The following RBM24 variants were observed in gnomAD, a reference collection of about 807,000 sequenced individuals.
RBM24 encodes the protein RNA binding motif protein 24.
RBM24 carries 5 observed loss-of-function variants against 23.6 expected under a neutral mutation model. The observed-to-expected ratio is 0.21, with a 90% CI of 0.11 to 0.45. RBM24 has a LOEUF of 0.45. Among genes scored for constraint, RBM24 ranks in the 20% least tolerant of loss-of-function variants. The pLI, the probability that RBM24 is intolerant of heterozygous loss-of-function variation, is 0.99. For missense variants in RBM24, 252 were observed against 314.6 expected, an observed-to-expected ratio of 0.80 and a Z score of 1.51; for synonymous variants, 151 against 129.5, an observed-to-expected ratio of 1.17 and a Z score of -1.13.
In RBM24 at chr6:17,281,664, G is replaced by A; in HGVS notation, c.83G>A (p.Arg28His). 2 of 1,551,066 alleles carry A rather than the reference G, an allele frequency of 1.3e-6. No individual in the cohort carries two copies. The highest frequency in any genetic ancestry group is 1.7e-6 in the Non-Finnish European group (2 of 1,146,890). The change falls in exon 1 of 4, where the codon CGC (arginine) becomes CAC (histidine). Residue 28 changes from arginine (R) to histidine (H), a missense_variant. Physicochemically the swap from Arg to His is conservative, Grantham distance 29 (BLOSUM62 0). Transcript: ENST00000379052. This position sits in a 1 kb window ranked among gnomAD's most constrained non-coding sequence, Gnocchi z 7.1. ...LPYHTTDASL[R>H]KYFEVFGEIE... ...TACCACACCACCGACGCCAGCCTGC[G>A]CAAGTACTTCGAGGTCTTCGGCGAG... is the stretch of plus-strand genomic sequence containing the variant.
intron 3 of RBM24, chr6:17,288,218 C>G: frequency 1.0e-6 from 1 of 985,030 alleles, no homozygotes; most frequent in Non-Finnish European, 1.2e-6. Flanking sequence ...CTTTGTCAAG[C>G]TGTAGCCCCA....
At position 17,292,920 on chromosome 6, in the gene RBM24, TGTCA is replaced by T; in HGVS notation, c.*803_*806del. The stretch of plus-strand genomic sequence containing the variant: ...ATTTTGGGAAACTTGTATCTGCTGG[TGTCA>T]GCAATTCTGATTCTGAAATAGGATC... On this transcript the variant is annotated 3_prime_UTR_variant, in exon 4 of 4. Coordinates refer to ENST00000379052, the MANE Select transcript of RBM24 (RefSeq NM_001143942.2). 6.6e-6 allele frequency: 1 copy of T among 152,464 alleles called. No homozygotes were observed. The highest frequency in any genetic ancestry group is 2.1e-4 in the South Asian group (1 of 4,830). 9.4% of individuals were successfully genotyped at this position (152,464 alleles called of 1,614,324 possible). A position where few individuals can be genotyped will look rare whatever the true frequency, so the allele number is the denominator to read the frequency against.
intron 3 of RBM24, among the ~76,000 whole-genome samples, chr6:17,290,629 A>C (rs534977327): frequency 5.3e-5 from 8 of 152,254 alleles, no homozygotes; most frequent in Non-Finnish European, 7.3e-5. Context: ...GATTTGTACA[A>C]AATATCAACG....
chr6:17,292,348 C>T lies in RBM24; in HGVS notation c.*229C>T, dbSNP rs759648487. The T allele has an allele frequency of 1.0e-4, 35 of 335,886 alleles. No individual in the cohort carries two copies. Among genetic ancestry groups the T allele is most frequent in the Non-Finnish European group, 1.8e-4 (33 of 188,254 alleles). The allele number at this position is 335,886 out of a possible 1,614,324, so 20.8% of individuals were successfully genotyped here. A position where few individuals can be genotyped will look rare whatever the true frequency, so the allele number is the denominator to read the frequency against. The stretch of plus-strand genomic sequence containing the variant: ...ATTTTGGAAATCAATCCCAAAGAGC[C>T]TGAGTAAATGAAAGGCCACTACGAA... On this transcript the variant is annotated 3_prime_UTR_variant, in exon 4 of 4. Transcript: ENST00000379052.
chr6:17,283,713 G>A lies in RBM24; in HGVS notation c.292+785G>A, dbSNP rs1305282762. On this transcript the variant is annotated intron_variant, in intron 2 of 3. Transcript: ENST00000379052. ...ATTACAGGCGTGAGCCACCGCGCCT[G>A]GCCCAAAATGGTAAACCTTCAACAT... 4.6e-5 allele frequency among the ~76,000 whole-genome samples: 7 copies of A among 152,116 alleles called. No homozygotes were observed. The East Asian group carries it at 1.3e-3, about 29-fold the overall frequency.
At chr6:17,290,802 C>T in intron 3 of RBM24, 1 of 1,233,614 alleles carries the variant, frequency 8.1e-7, no homozygotes, top group South Asian at 1.3e-5. Context: ...TGCCTTTTCC[C>T]TCAACCTCAT....
chr6:17,284,572 T>C, intron 2 of RBM24, 85 bp from the exon 3 acceptor site: 1 of 994,742 alleles, frequency 1.0e-6, no homozygotes, highest in South Asian at 1.6e-5. Context: ...CTTTTATAAG[T>C]GAAAGTTGTG....
chr6:17,289,827 A>G, intron 3 of RBM24: 3 of 1,098,974 alleles, frequency 2.7e-6, no homozygotes, highest in East Asian at 7.0e-5. Context: ...GTAAACTGGC[A>G]TAAGAGTAGG....
chr6:17,287,531 G>A (rs980047892), intron 3 of RBM24, among the ~76,000 whole-genome samples: 2 of 152,088 alleles, frequency 1.3e-5, no homozygotes, highest in Non-Finnish European at 2.9e-5. Flanking sequence ...GGCCAGGTGC[G>A]GTGGCTCATG....
chr6:17,281,953 G>C lies in RBM24; in HGVS notation c.168+204G>C. ...TCGCGGGGTTCGGAGAAGACCCAGC[G>C]CTGTGCGAGGTCGGGGGCCGGGCAG... On this transcript the variant is annotated intron_variant, in intron 1 of 3. Coordinates refer to ENST00000379052, the MANE Select transcript of RBM24 (RefSeq NM_001143942.2). This position sits in a 1 kb window ranked among gnomAD's most constrained non-coding sequence, Gnocchi z 7.1. The C allele has an allele frequency of 7.4e-7, 1 of 1,357,438 alleles. No homozygotes were observed. The highest frequency in any genetic ancestry group is 9.7e-7 in the Non-Finnish European group (1 of 1,031,592). 84.1% of individuals were successfully genotyped at this position (1,357,438 alleles called of 1,614,324 possible).
At chr6:17,283,075 A>T in intron 2 of RBM24, 147 bp downstream of exon 2, 2 of 621,876 alleles carry the variant, frequency 3.2e-6, no homozygotes, top group Non-Finnish European at 5.7e-6. Context: ...CAAGGCATTA[A>T]ACATAAATGA....
At chr6:17,291,147 T>A (rs999659498) in intron 3 of RBM24, among the ~76,000 whole-genome samples, 2 of 152,214 alleles carry the variant, frequency 1.3e-5, no homozygotes, top group African/African-American at 4.8e-5. Flanking sequence ...CTTCCTTTTT[T>A]AATTATTATT....
intron 3 of RBM24, among the ~76,000 whole-genome samples, chr6:17,286,873 T>A (rs529797939): frequency 5.3e-5 from 8 of 152,236 alleles, no homozygotes; most frequent in Non-Finnish European, 1.0e-4. Context: ...TTGGACTGAT[T>A]GTGGAAGTCC....
Position 17,284,689 on chromosome 6 carries a change from G to T in RBM24, c.325G>T (p.Ala109Ser), listed in dbSNP as rs765441614. 1 of 1,611,646 alleles carries T rather than the reference G, an allele frequency of 6.2e-7. No individual in the cohort carries two copies. The change falls in exon 3 of 4, where the codon GCC (alanine) becomes TCC (serine). Residue 109 changes from alanine to serine, a missense_variant. Transcript: ENST00000379052. ...CTTTGGTGTTCAACAACTTCATCCA[G>T]CCCTTATACAAAGACCTTTCGGGTA... Reference protein sequence around the residue: ...FAFGVQQLHPALIQRPFGIPA... With the variant: ...FAFGVQQLHPSLIQRPFGIPA...
At position 17,293,227 on chromosome 6, in the gene RBM24, T is replaced by C. The variant is rs1485237364; in HGVS notation, c.*1108T>C. ...CTTAATAGTAATGCTATTTAAGATA[T>C]TTATTTTTAAGTTTTACTATGCTGC... On this transcript the variant is annotated 3_prime_UTR_variant, in exon 4 of 4. Transcript: ENST00000379052. 1.3e-5 allele frequency: 2 copies of C among 152,636 alleles called. No individual in the cohort carries two copies. Among genetic ancestry groups the C allele is most frequent in the East Asian group, 1.9e-4 (1 of 5,196 alleles). The allele number at this position is 152,636 out of a possible 1,614,324, so 9.5% of individuals were successfully genotyped here. A position where few individuals can be genotyped will look rare whatever the true frequency, so the allele number is the denominator to read the frequency against.
At position 17,282,944 on chromosome 6, in the gene RBM24, C is replaced by G; in HGVS notation, c.292+16C>G. On this transcript the variant is annotated intron_variant, in intron 2 of 3. Coordinates refer to ENST00000379052, the MANE Select transcript of RBM24 (RefSeq NM_001143942.2). ...ATGCAACCAGGTGAGAAATGTCTGT[C>G]TCCCCTACCCCCCTCTCCAAGAACC... 6.3e-7 allele frequency: 1 copy of G among 1,585,166 alleles called. No homozygotes were observed. Among genetic ancestry groups the G allele is most frequent in the Middle Eastern group, 1.7e-4 (1 of 6,038 alleles).
Position 17,281,535 on chromosome 6 carries a change from C to G in RBM24, c.-47C>G, listed in dbSNP as rs1039998752. The G allele has an allele frequency of 4.1e-6, 6 of 1,455,224 alleles. No individual in the cohort carries two copies. Among genetic ancestry groups the G allele is most frequent in the Non-Finnish European group, 5.4e-6 (6 of 1,104,074 alleles). 90.1% of individuals were successfully genotyped at this position (1,455,224 alleles called of 1,614,324 possible). A position where few individuals can be genotyped will look rare whatever the true frequency, so the allele number is the denominator to read the frequency against. ...CGGAGGAGGAGGCGCAGCCGCTGCC[C>G]GAGCCGCAGCCGCAGCCGGAGCCCG... On this transcript the variant is annotated 5_prime_UTR_variant, in exon 1 of 4. Coordinates refer to ENST00000379052, the MANE Select transcript of RBM24 (RefSeq NM_001143942.2). The surrounding 1 kb of genome is among the most constrained non-coding windows in gnomAD (Gnocchi z 7.1).
At chr6:17,288,790 T>C in intron 3 of RBM24, 3 of 985,160 alleles carry the variant, frequency 3.0e-6, no homozygotes, top group Non-Finnish European at 3.6e-6. Flanking sequence ...TGGAAGGAAA[T>C]ACTAGAAAGG....
At chr6:17,282,099 G>A in intron 1 of RBM24, 6 of 1,222,768 alleles carry the variant, frequency 4.9e-6, no homozygotes, top group Non-Finnish European at 6.2e-6. Context: ...CGGTTGTTAA[G>A]CGCGCTGTTG....
Sources: allele counts gnomAD v4.1 joint callset (sites outside exome capture counted in the v4.1 genomes callset), GRCh38; gene constraint gnomAD v4.1.1; non-coding constraint Gnocchi (gnomAD v3.1); transcripts MANE v1.5; gene names NCBI Gene and HGNC (gene_info 2026-07-23, HGNC 2026-07-21).